The following OCA2 variants were observed in gnomAD, a reference collection of about 807,000 sequenced individuals.
OCA2 encodes P protein.
A neutral mutation model predicts 100.2 loss-of-function variants in OCA2; 77 were observed. The ratio of observed to expected loss-of-function variants is 0.77; its 90% CI spans 0.64 to 0.93. The LOEUF (loss-of-function observed/expected upper bound fraction) is 0.93, where lower values mean the gene tolerates loss of function less well. OCA2 is among the 40% of genes least tolerant of loss of function. OCA2 has a pLI of 0.00. For missense variants in OCA2, 1,062 were observed against 1,089.1 expected, an observed-to-expected ratio of 0.98 and a Z score of 0.35; for synonymous variants, 432 against 439.2, an observed-to-expected ratio of 0.98 and a Z score of 0.21.
At chr15:28,019,075 G>A (rs555638890) in intron 6 of OCA2, among the ~76,000 whole-genome samples, 2 of 152,258 alleles carry the variant, frequency 1.3e-5, no homozygotes, top group East Asian at 1.9e-4. Flanking sequence ...CCTGGTTGGA[G>A]AAGCTAGGAG....
chr15:27,918,852 C>T (rs1031242020), intron 19 of OCA2, among the ~76,000 whole-genome samples: 2 of 152,078 alleles, frequency 1.3e-5, no homozygotes, highest in Middle Eastern at 3.2e-3. Flanking sequence ...AGCATAACAA[C>T]GAATAGAATG....
chr15:28,069,972 G>C (rs1163410330), intron 2 of OCA2, among the ~76,000 whole-genome samples: 1 of 117,732 alleles, frequency 8.5e-6, no homozygotes, highest in Non-Finnish European at 1.5e-5. Context: ...CCTCTTCCCA[G>C]CCGCCATCAC....
intron 18 of OCA2, among the ~76,000 whole-genome samples, chr15:27,936,344 G>A (rs2140457065): frequency 6.6e-6 from 1 of 152,278 alleles, no homozygotes; most frequent in South Asian, 2.1e-4. Context: ...GTCTATTATA[G>A]CACCATGCAT....
chr15:27,752,827 A>G (rs1343711619), downstream of OCA2, among the ~76,000 whole-genome samples: 1 of 56,188 alleles, frequency 1.8e-5, no homozygotes, highest in East Asian at 7.2e-4. Flanking sequence ...AGAGGCCCAC[A>G]GCTGCCTCCT....
the OCA2 span, among the ~76,000 whole-genome samples, chr15:27,748,114 A>G: frequency 6.6e-6 from 1 of 152,186 alleles, no homozygotes; most frequent in Non-Finnish European, 1.5e-5. Context: ...CAACAATACC[A>G]GGTCAGCCCA....
At chr15:27,943,770 A>C (rs1034551914) in intron 18 of OCA2, among the ~76,000 whole-genome samples, 1 of 151,714 alleles carries the variant, frequency 6.6e-6, no homozygotes, top group Admixed American at 6.6e-5. Context: ...TAACTCTTTC[A>C]ACCAATTGCC....
intron 23 of OCA2, among the ~76,000 whole-genome samples, chr15:27,824,832 C>T (rs1235866303): frequency 1.3e-5 from 2 of 151,558 alleles, no homozygotes; most frequent in African/African-American, 2.4e-5. Flanking sequence ...TTCCCCGTCC[C>T]TCTGCCGAAG....
intron 23 of OCA2, among the ~76,000 whole-genome samples, chr15:27,790,913 T>G (rs2033050700): frequency 6.6e-6 from 1 of 151,824 alleles, no homozygotes; most frequent in Non-Finnish European, 1.5e-5. Flanking sequence ...GCCAATCTCC[T>G]GCATAGCTGG....
intron 23 of OCA2, among the ~76,000 whole-genome samples, chr15:27,773,228 A>G (rs1229353691): frequency 6.6e-6 from 1 of 152,152 alleles, no homozygotes; most frequent in Non-Finnish European, 1.5e-5. Context: ...CTATTTTTAT[A>G]TAATTTTGGT....
intron 23 of OCA2, among the ~76,000 whole-genome samples, chr15:27,835,210 A>G (rs1254433854): frequency 6.6e-6 from 1 of 152,220 alleles, no homozygotes; most frequent in African/African-American, 2.4e-5. Context: ...TGCAATTATG[A>G]GATCATATGG....
chr15:27,825,202 G>A (rs944192744), intron 23 of OCA2, among the ~76,000 whole-genome samples: 1 of 152,118 alleles, frequency 6.6e-6, no homozygotes, highest in Non-Finnish European at 1.5e-5. Flanking sequence ...GGCCCACACG[G>A]AGGAGGGCAG....
rs189314650 is a variant in OCA2 at position 28,010,327 on chromosome 15, C to T, written c.1044+4449G>A. The stretch of plus-strand genomic sequence containing the variant: ...AATGCTTTCCCTTTAAGATTGAGAA[C>T]AATGCCAGTCTTACCATTCCCATTC... On this transcript the variant is annotated intron_variant, in intron 9 of 23. Coordinates refer to ENST00000354638, the MANE Select transcript of OCA2 (RefSeq NM_000275.3). Among the ~76,000 whole-genome samples, 687 of 152,248 alleles carry T rather than the reference C, an allele frequency of 4.5e-3. 2 individuals are homozygous for T. The highest frequency in any genetic ancestry group is 6.3e-3 in the Non-Finnish European group (429 of 68,020).
At chr15:27,948,188 G>A (rs2039909032) in intron 18 of OCA2, among the ~76,000 whole-genome samples, 1 of 152,162 alleles carries the variant, frequency 6.6e-6, no homozygotes, top group African/African-American at 2.4e-5. Flanking sequence ...GTTTGCATAA[G>A]GTGCTGCGGA....
intron 1 of OCA2, among the ~76,000 whole-genome samples, 168 bp from the exon 2 acceptor site, chr15:28,082,063 G>T (rs1459578210): frequency 2.6e-5 from 4 of 152,196 alleles, no homozygotes; most frequent in African/African-American, 9.6e-5. Context: ...GAAGCCAGCT[G>T]GACTTCCTGG....
chr15:27,977,940 T>C (rs2041023502), intron 14 of OCA2, among the ~76,000 whole-genome samples: 1 of 152,224 alleles, frequency 6.6e-6, no homozygotes, highest in South Asian at 2.1e-4. Flanking sequence ...GCCTCCCGAC[T>C]GTGAGGAATA....
intron 3 of OCA2, among the ~76,000 whole-genome samples, chr15:28,028,436 C>T (rs1465460915): frequency 6.6e-6 from 1 of 152,152 alleles, no homozygotes; most frequent in East Asian, 1.9e-4. Context: ...GAGACTTGTC[C>T]AGGGTGAGTG....
rs1391533916 is a variant in OCA2, at chr15:27,881,514, C to T, written c.2080-9592G>A. Among the ~76,000 whole-genome samples, 5 of 152,076 alleles carry T rather than the reference C, an allele frequency of 3.3e-5. No homozygotes were observed. The East Asian group carries it at 7.7e-4, about 24-fold the overall frequency. ...TCCTGGGCTTTTTATTATGGGTAGG[C>T]TGTTAAATATTCATTACTGCCTCAA... On this transcript the variant is annotated intron_variant, in intron 19 of 23. Coordinates refer to ENST00000354638, the MANE Select transcript of OCA2 (RefSeq NM_000275.3).
At chr15:28,039,257 A>C (rs2043133581) in intron 2 of OCA2, among the ~76,000 whole-genome samples, 1 of 152,242 alleles carries the variant, frequency 6.6e-6, no homozygotes, top group African/African-American at 2.4e-5. Flanking sequence ...ACAGAAGATC[A>C]ATAACAAAAC....
chr15:27,851,687 G>C (rs2151414050), intron 21 of OCA2, among the ~76,000 whole-genome samples: 1 of 152,272 alleles, frequency 6.6e-6, no homozygotes, highest in East Asian at 1.9e-4. Context: ...CCACCAACTG[G>C]TCCTCCTGGT....
Sources: allele counts gnomAD v4.1 joint callset (sites outside exome capture counted in the v4.1 genomes callset), GRCh38; gene constraint gnomAD v4.1.1; transcripts MANE v1.5; gene names NCBI Gene and HGNC (gene_info 2026-07-23, HGNC 2026-07-21).